The following PFDN1 variants were observed in gnomAD, a reference collection of about 807,000 sequenced individuals.
PFDN1 encodes the protein prefoldin subunit 1, also known as prefoldin 1.
Under a neutral mutation model 17.3 loss-of-function variants are expected in PFDN1, and 6 were observed. The observed-to-expected ratio is 0.35, with a 90% CI of 0.19 to 0.69. The LOEUF (loss-of-function observed/expected upper bound fraction) is 0.69, where lower values mean the gene tolerates loss of function less well. Ranked by LOEUF, PFDN1 falls within the 30% of genes least tolerant of loss-of-function variation. The probability of loss-of-function intolerance (pLI) is 0.65; values close to 1 mark genes in which losing one functional copy is unlikely to be tolerated. For synonymous variants in PFDN1, 58 were observed against 50.1 expected (o/e 1.16, Z -0.67); for missense variants, 113 against 146.2 (o/e 0.77, Z 1.17).
intron 3 of PFDN1, 101 bp downstream of exon 3, chr5:140,281,348 G>T: frequency 1.6e-6 from 1 of 632,362 alleles, no homozygotes; most frequent in Non-Finnish European, 2.8e-6. Flanking sequence ...AAAATAATAT[G>T]ACATTACTTT....
At chr5:140,265,004 G>A (rs1265421995) in intron 3 of PFDN1, among the ~76,000 whole-genome samples, 1 of 152,124 alleles carries the variant, frequency 6.6e-6, no homozygotes, top group Non-Finnish European at 1.5e-5. Context: ...AGGCATCTTT[G>A]CTTCTGCCCA....
At chr5:140,294,005 A>G (rs935056430) in intron 2 of PFDN1, among the ~76,000 whole-genome samples, 3 of 152,066 alleles carry the variant, frequency 2.0e-5, no homozygotes, top group Non-Finnish European at 4.4e-5. Context: ...TAGTAAAAGC[A>G]GCTGAACACC....
chr5:140,275,204 T>C (rs1660200470), intron 3 of PFDN1, among the ~76,000 whole-genome samples: 1 of 151,848 alleles, frequency 6.6e-6, no homozygotes, highest in African/African-American at 2.4e-5. Context: ...GTCAGAAGAT[T>C]GAGACCATCC....
intron 3 of PFDN1, among the ~76,000 whole-genome samples, chr5:140,273,470 A>T (rs1163294679): frequency 6.6e-6 from 1 of 152,122 alleles, no homozygotes; most frequent in South Asian, 2.1e-4. Context: ...AAATTTCCTC[A>T]ATCATGGGAA....
chr5:140,247,632 C>T (rs1251450011), intron 3 of PFDN1, among the ~76,000 whole-genome samples: 1 of 152,240 alleles, frequency 6.6e-6, no homozygotes, highest in Non-Finnish European at 1.5e-5. Flanking sequence ...CCTTGGAACA[C>T]AACAGGAGCT....
intron 3 of PFDN1, among the ~76,000 whole-genome samples, chr5:140,277,827 G>T (rs1477960642): frequency 6.6e-6 from 1 of 152,058 alleles, no homozygotes; most frequent in Non-Finnish European, 1.5e-5. Flanking sequence ...CAGGTAAAGA[G>T]AAAAGACAAA....
intron 3 of PFDN1, among the ~76,000 whole-genome samples, chr5:140,274,978 G>A (rs1443337874): frequency 1.5e-5 from 2 of 132,040 alleles, no homozygotes; most frequent in African/African-American, 2.9e-5. Flanking sequence ...GGGTAACAAA[G>A]CAAGACTTCA....
At chr5:140,268,133 T>G (rs531759751) in intron 3 of PFDN1, among the ~76,000 whole-genome samples, 5 of 152,302 alleles carry the variant, frequency 3.3e-5, no homozygotes, top group African/African-American at 1.2e-4. Flanking sequence ...CAAGACAAAG[T>G]GAGCTGGGAG....
chr5:140,260,013 C>A (rs1765040532), intron 3 of PFDN1, among the ~76,000 whole-genome samples: 1 of 152,056 alleles, frequency 6.6e-6, no homozygotes, highest in African/African-American at 2.4e-5. Flanking sequence ...TAAAAAATCA[C>A]AATGATAGAC....
At chr5:140,264,656 G>C (rs1765111434) in intron 3 of PFDN1, among the ~76,000 whole-genome samples, 1 of 151,890 alleles carries the variant, frequency 6.6e-6, no homozygotes, top group South Asian at 2.1e-4. Flanking sequence ...GGGCAACATA[G>C]GGAGACCCTG....
At chr5:140,250,420 G>A (rs1300400161) in intron 3 of PFDN1, among the ~76,000 whole-genome samples, 1 of 152,106 alleles carries the variant, frequency 6.6e-6, no homozygotes, top group African/African-American at 2.4e-5. Flanking sequence ...TTCCTTCAGG[G>A]CTTTCTCAAA....
chr5:140,299,142 T>C (rs534439554), intron 2 of PFDN1, among the ~76,000 whole-genome samples: 1 of 152,348 alleles, frequency 6.6e-6, no homozygotes, highest in African/African-American at 2.4e-5. Context: ...GTATCACTCC[T>C]AATAAATTAA....
intron 3 of PFDN1, among the ~76,000 whole-genome samples, chr5:140,256,786 A>T (rs1039508788): frequency 4.7e-5 from 7 of 150,160 alleles, no homozygotes; most frequent in Admixed American, 3.3e-4. Flanking sequence ...TTATTAGCTT[A>T]CTTCCAAATA....
At chr5:140,276,082 AAGT>A (rs1231638263) in intron 3 of PFDN1, among the ~76,000 whole-genome samples, 12 of 152,274 alleles carry the variant, frequency 7.9e-5, no homozygotes, top group Admixed American at 6.5e-4. Context: ...GATTAAAATG[AAGT>A]AGATTAGACT....
chr5:140,246,776 A>T (rs550506197), intron 3 of PFDN1, among the ~76,000 whole-genome samples: 1 of 152,174 alleles, frequency 6.6e-6, no homozygotes, highest in Non-Finnish European at 1.5e-5. Context: ...ATGTCTGTAC[A>T]TTATTTGCCC....
At chr5:140,246,624 GA>G (rs944689940) in intron 3 of PFDN1, among the ~76,000 whole-genome samples, 23 of 152,336 alleles carry the variant, frequency 1.5e-4, no homozygotes, top group African/African-American at 5.5e-4. Context: ...AGGAATCTGG[GA>G]CACTAAAACA....
intron 3 of PFDN1, among the ~76,000 whole-genome samples, chr5:140,258,320 G>C (rs1043393119): frequency 2.2e-4 from 33 of 152,108 alleles, no homozygotes; most frequent in African/African-American, 8.0e-4. Flanking sequence ...TCAGTCCCTG[G>C]AGTGGCTGGG....
chr5:140,251,411 T>C (rs1764911823), intron 3 of PFDN1, among the ~76,000 whole-genome samples: 1 of 152,218 alleles, frequency 6.6e-6, no homozygotes, highest in Non-Finnish European at 1.5e-5. Context: ...CTTAATGCTT[T>C]ATCAGGTCAA....
intron 3 of PFDN1, among the ~76,000 whole-genome samples, chr5:140,276,720 G>C (rs907157013): frequency 6.4e-5 from 9 of 141,322 alleles, no homozygotes; most frequent in African/African-American, 2.1e-4. Flanking sequence ...GGCAGAGGTT[G>C]CTGTGAGCCA....
Sources: gnomAD v4.1 joint callset for allele counts (sites outside exome capture counted in the v4.1 genomes callset) on GRCh38, gnomAD v4.1.1 for gene constraint, MANE v1.5 for transcripts, NCBI Gene and HGNC (gene_info 2026-07-23, HGNC 2026-07-21) for gene names.